The following KLF8 variants were observed in gnomAD, a reference collection of about 807,000 sequenced individuals.
KLF8 encodes KLF transcription factor 8.
KLF8 carries 10 observed loss-of-function variants against 18.2 expected under a neutral mutation model. The observed-to-expected ratio is 0.55, with a 90% CI of 0.34 to 0.93. KLF8 has a LOEUF of 0.93. Among genes scored for constraint, KLF8 ranks in the 40% least tolerant of loss-of-function variants. The pLI is 0.02. For missense variants in KLF8, 264 were observed against 277.9 expected, an observed-to-expected ratio of 0.95 and a Z score of 0.36; for synonymous variants, 109 against 97.3, an observed-to-expected ratio of 1.12 and a Z score of -0.71.
At chrX:55,955,129 C>T in the KLF8 span, among the ~76,000 whole-genome samples, 1 of 110,924 alleles carries the variant, frequency 9.0e-6, no homozygotes, top group Non-Finnish European at 1.9e-5. Context: ...AGCTAGTGAA[C>T]TTTATAGTAC....
the KLF8 span, among the ~76,000 whole-genome samples, chrX:56,167,888 A>G: frequency 1.8e-5 from 2 of 112,211 alleles, no homozygotes; most frequent in African/African-American, 6.5e-5. Context: ...CAGATTTTAA[A>G]TGAGCAAACC....
At chrX:56,219,217 C>CG in the KLF8 span, among the ~76,000 whole-genome samples, 112 of 111,958 alleles carry the variant, frequency 1.0e-3, no homozygotes, top group African/African-American at 3.6e-3. Context: ...GCAATAAAGG[C>CG]GAAGTTTAAA....
the KLF8 span, among the ~76,000 whole-genome samples, chrX:56,149,548 C>G: frequency 9.0e-6 from 1 of 110,653 alleles, no homozygotes; most frequent in Non-Finnish European, 1.9e-5. Flanking sequence ...ATACACCCAA[C>G]CAACAAACCT....
the KLF8 span, among the ~76,000 whole-genome samples, chrX:56,162,903 C>T: frequency 8.9e-6 from 1 of 111,768 alleles, no homozygotes; most frequent in South Asian, 3.7e-4. Context: ...AATCGGCCAC[C>T]TTGGCTCCAC....
the KLF8 span, among the ~76,000 whole-genome samples, chrX:55,986,979 G>T: frequency 2.5e-3 from 275 of 111,474 alleles, 1 homozygote; most frequent in Non-Finnish European, 3.5e-3. Flanking sequence ...TGCCTGCATA[G>T]TATTCCATAT....
the KLF8 span, among the ~76,000 whole-genome samples, chrX:56,057,274 G>A: frequency 9.0e-6 from 1 of 111,376 alleles, no homozygotes; most frequent in Non-Finnish European, 1.9e-5. Context: ...GACAGTGTTG[G>A]TGCAAGGGTG....
At chrX:55,966,016 T>C in the KLF8 span, among the ~76,000 whole-genome samples, 3 of 112,027 alleles carry the variant, frequency 2.7e-5, no homozygotes, top group Non-Finnish European at 5.6e-5. Context: ...CCATGGGCTA[T>C]TGGTGGTGGT....
At chrX:56,078,496 T>C in the KLF8 span, among the ~76,000 whole-genome samples, 2 of 111,858 alleles carry the variant, frequency 1.8e-5, no homozygotes, top group African/African-American at 6.5e-5. Context: ...TGAATCCCAC[T>C]TGATCATGGT....
At chrX:56,116,502 G>A in the KLF8 span, among the ~76,000 whole-genome samples, 1 of 110,052 alleles carries the variant, frequency 9.1e-6, no homozygotes. Flanking sequence ...AAAGGGCCTG[G>A]AAAGCTGGAG....
chrX:56,158,312 G>C, the KLF8 span, among the ~76,000 whole-genome samples: 1 of 111,892 alleles, frequency 8.9e-6, no homozygotes, highest in Non-Finnish European at 1.9e-5. Context: ...ATAGTTTGAA[G>C]TCAGGTAGTG....
chrX:56,022,782 A>G, the KLF8 span, among the ~76,000 whole-genome samples: 1 of 109,604 alleles, frequency 9.1e-6, no homozygotes, highest in Non-Finnish European at 1.9e-5. Flanking sequence ...GAAAACTGTC[A>G]TTATTCAACC....
chrX:56,110,276 G>A, the KLF8 span, among the ~76,000 whole-genome samples: 7 of 111,095 alleles, frequency 6.3e-5, no homozygotes. Flanking sequence ...TGTTAATATA[G>A]TTACATCATC....
chrX:56,150,574 G>A, the KLF8 span, among the ~76,000 whole-genome samples: 2 of 111,015 alleles, frequency 1.8e-5, no homozygotes, highest in Non-Finnish European at 3.8e-5. Context: ...TATCAGAGAT[G>A]GATGCTTGGG....
the KLF8 span, among the ~76,000 whole-genome samples, chrX:56,024,211 C>CTT: frequency 1.1e-5 from 1 of 94,309 alleles, no homozygotes; most frequent in Non-Finnish European, 2.1e-5. Flanking sequence ...TTTTTAATTT[C>CTT]TTTTTTTTTT....
chrX:55,997,107 G>C, the KLF8 span, among the ~76,000 whole-genome samples: 1 of 111,839 alleles, frequency 8.9e-6, no homozygotes, highest in Admixed American at 9.4e-5. Context: ...TATGGTGGTT[G>C]CCTCTGGGAA....
the KLF8 span, among the ~76,000 whole-genome samples, chrX:55,952,744 C>A: frequency 8.9e-6 from 1 of 111,951 alleles, no homozygotes; most frequent in African/African-American, 3.2e-5. Context: ...ATTCAGCCTC[C>A]CACAGGGATT....
the KLF8 span, among the ~76,000 whole-genome samples, chrX:56,018,787 A>G: frequency 9.1e-6 from 1 of 110,028 alleles, no homozygotes; most frequent in African/African-American, 3.3e-5. Context: ...ATTTGTTTGT[A>G]TGTGTGTGTG....
At chrX:56,196,403 G>T in the KLF8 span, among the ~76,000 whole-genome samples, 1 of 107,005 alleles carries the variant, frequency 9.3e-6, no homozygotes, top group African/African-American at 3.5e-5. Flanking sequence ...CAAGCAAATG[G>T]AAAGCAAAAA....
the KLF8 span, among the ~76,000 whole-genome samples, chrX:55,982,664 T>C: frequency 8.9e-6 from 1 of 111,935 alleles, no homozygotes; most frequent in African/African-American, 3.2e-5. Flanking sequence ...ATAAGTTGCC[T>C]AACCTCCCTT....
Sources: allele counts gnomAD v4.1 joint callset (sites outside exome capture counted in the v4.1 genomes callset), GRCh38; gene constraint gnomAD v4.1.1; transcripts MANE v1.5; gene names NCBI Gene and HGNC (gene_info 2026-07-23, HGNC 2026-07-21).